Variants in UROC1 observed in about 807,000 individuals in gnomAD.
UROC1 encodes urocanate hydratase 1.
Under a neutral mutation model 89.5 loss-of-function variants are expected in UROC1, and 79 were observed. That is an observed-to-expected ratio of 0.88 (90% CI 0.74 to 1.06). UROC1 has a LOEUF of 1.06. Ranked by LOEUF, UROC1 falls within the 50% of genes least tolerant of loss-of-function variation. The pLI, the probability that UROC1 is intolerant of heterozygous loss-of-function variation, is 0.00. For missense variants in UROC1, 885 were observed against 907.8 expected (o/e 0.97, Z 0.32); for synonymous variants, 361 against 354.8 (o/e 1.02, Z -0.20).
intron 7 of UROC1, 48 bp downstream of exon 7, chr3:126,505,897 A>AC (rs758837610): frequency 7.5e-7 from 1 of 1,339,002 alleles, no homozygotes; most frequent in Non-Finnish European, 1.0e-6. Context: ...CGCCCCCTCC[A>AC]CCCCCCATGC....
intron 1 of UROC1, among the ~76,000 whole-genome samples, chr3:126,512,850 C>T (rs1036999663): frequency 6.6e-5 from 10 of 152,202 alleles, no homozygotes; most frequent in African/African-American, 2.2e-4. Flanking sequence ...AAAGAGCAAG[C>T]ATGATTCAAC....
chr3:126,499,402 A>C lies in UROC1; in HGVS notation c.1251T>G (p.Asp417Glu). ...TCCTGCCAGCACCTTTCTTCTCCACATCCGCTCCTGTGGGCAGAGCCCGGA... is the reference window on the plus strand; with the variant it reads ...TCCTGCCAGCACCTTTCTTCTCCACCTCCGCTCCTGTGGGCAGAGCCCGGA... ...FLLEAQRAGA[D>E]VEKKGAGRTE... is the part of the protein sequence containing the mutation. The change falls in exon 13 of 20, where the codon GAT becomes GAG. Residue 417 changes from aspartate (D) to glutamate (E), a missense_variant. By Grantham distance (45) the Asp-to-Glu change is conservative. Coordinates refer to ENST00000290868, the MANE Select transcript of UROC1 (RefSeq NM_144639.3). 1 of 1,612,394 alleles carries C rather than the reference A, an allele frequency of 6.2e-7. No individual in the cohort carries two copies. Among genetic ancestry groups the C allele is most frequent in the Non-Finnish European group, 8.5e-7 (1 of 1,179,534 alleles).
rs768191810 is a variant in UROC1, at chr3:126,500,869, C to T, written c.971G>A (p.Arg324His). ...CGTCGTGTCCAATTCGTGGACCAGGCGCTCCCTGGGGAAGCCATGCGGTGG... is the reference window on the plus strand; with the variant it reads ...CGTCGTGTCCAATTCGTGGACCAGGTGCTCCCTGGGGAAGCCATGCGGTGG... ...YHGNVVALWE[R>H]LVHELDTTGE... The change falls in exon 11 of 20, where the codon CGC becomes CAC. Residue 324 changes from arginine (R) to histidine (H), a missense_variant. Physicochemically the swap from Arg to His is conservative, Grantham distance 29. Coordinates refer to ENST00000290868, the MANE Select transcript of UROC1 (RefSeq NM_144639.3). 7.4e-6 allele frequency: 12 copies of T among 1,613,516 alleles called. No homozygotes were observed. Among genetic ancestry groups the T allele is most frequent in the South Asian group, 5.5e-5 (5 of 91,082 alleles).
rs201597075 is a variant in UROC1 at position 126,505,935 on chromosome 3, C to T, written c.669+10G>A. On this transcript the variant is annotated intron_variant, in intron 7 of 19. Transcript: ENST00000290868. Reference sequence around the variant, plus strand: ...GGAAGCCCACAGCCAGGCGTGGCCCCATCTCTCACCACAGTGCCATGAACG... The same window carrying T: ...GGAAGCCCACAGCCAGGCGTGGCCCTATCTCTCACCACAGTGCCATGAACG... 1.9e-6 allele frequency: 3 copies of T among 1,613,224 alleles called. No individual in the cohort carries two copies. The highest frequency in any genetic ancestry group is 4.5e-5 in the East Asian group (2 of 44,856).
chr3:126,509,452 C>T, intron 3 of UROC1, 133 bp downstream of exon 3: 1 of 851,918 alleles, frequency 1.2e-6, no homozygotes, highest in South Asian at 1.5e-5. Context: ...GGGCCAGGGA[C>T]CTCTCTTACT....
At chr3:126,513,101 G>A (rs1255616065) in intron 1 of UROC1, among the ~76,000 whole-genome samples, 1 of 152,108 alleles carries the variant, frequency 6.6e-6, no homozygotes, top group Non-Finnish European at 1.5e-5. Flanking sequence ...ATGAAGGGAT[G>A]CCAGCCTGCA....
intron 19 of UROC1, 97 bp downstream of exon 19, chr3:126,483,272 C>T: frequency 2.6e-6 from 3 of 1,167,434 alleles, no homozygotes; most frequent in Non-Finnish European, 3.8e-6. Context: ...GCCCCCATCC[C>T]CACACCCAGG....
chr3:126,492,644 G>T (rs992902208), intron 15 of UROC1, 128 bp from the exon 16 acceptor site: 1 of 636,352 alleles, frequency 1.6e-6, no homozygotes, highest in African/African-American at 1.9e-5. Flanking sequence ...CGCCTAACAA[G>T]GTCCAGGAGG....
chr3:126,500,564 G>A (rs1935893912), intron 11 of UROC1, 131 bp downstream of exon 11: 2 of 1,097,790 alleles, frequency 1.8e-6, no homozygotes, highest in East Asian at 2.4e-5. Flanking sequence ...GGTGGAGGCA[G>A]AGGCTCAGAG....
At chr3:126,487,850 G>A (rs770648389) in intron 18 of UROC1, among the ~76,000 whole-genome samples, 16 of 152,340 alleles carry the variant, frequency 1.1e-4, no homozygotes, top group African/African-American at 2.9e-4. Context: ...CCATGAAAGC[G>A]CCGGGAATTC....
chr3:126,513,135 G>GGGGTGT (rs145600640), intron 1 of UROC1, among the ~76,000 whole-genome samples: 8 of 147,798 alleles, frequency 5.4e-5, no homozygotes, highest in Non-Finnish European at 9.0e-5. Flanking sequence ...CACAGAGCAG[G>GGGGTGT]GTGTGTGTGT....
Position 126,504,000 on chromosome 3 carries a change from C to T in UROC1, c.897G>A (p.Arg299=). The change falls in exon 9 of 20, where the codon AGG becomes AGA. Residue 299 remains arginine, a synonymous_variant. Coordinates refer to ENST00000290868, the MANE Select transcript of UROC1 (RefSeq NM_144639.3). The part of the protein sequence containing the change: ...VTDSLDRCIQ[R]LREARKKKEV... ...AGTTGAGCTTGGAGCTGTACCTGAGCCTCTGGATGCAGCGGTCCAAGCTGT... is the reference window on the plus strand; with the variant it reads ...AGTTGAGCTTGGAGCTGTACCTGAGTCTCTGGATGCAGCGGTCCAAGCTGT... The T allele has an allele frequency of 6.2e-7, 1 of 1,614,088 alleles. No individual in the cohort carries two copies. The highest frequency in any genetic ancestry group is 8.5e-7 in the Non-Finnish European group (1 of 1,180,024).
chr3:126,510,768 G>T lies in UROC1; in HGVS notation c.153C>A (p.Tyr51Ter), dbSNP rs1936177796. ...KQLALRNALRYFPPDVQELLA... is the reference protein window; with the variant it reads ...KQLALRNALR ...GCAGCTCCTGGACATCCGGGGGGAA[G>T]TAGCGCAGGGCGTTCCTCAGCGCCA... The change falls in exon 2 of 20, where the codon TAC becomes TAA. Residue 51 changes from tyrosine (Y) to a stop codon, truncating the protein, a stop_gained. Coordinates refer to ENST00000290868, the MANE Select transcript of UROC1 (RefSeq NM_144639.3). LOFTEE classifies it high-confidence loss of function. 1 of 1,613,858 alleles carries T rather than the reference G, an allele frequency of 6.2e-7. No homozygotes were observed.
chr3:126,505,586 G>T (rs1936034642), intron 8 of UROC1, 115 bp downstream of exon 8: 3 of 1,500,978 alleles, frequency 2.0e-6, no homozygotes, highest in Non-Finnish European at 2.7e-6. Flanking sequence ...GGTGGCCTGG[G>T]CAAGGAAGGA....
At chr3:126,487,984 C>G (rs969288544) in intron 18 of UROC1, among the ~76,000 whole-genome samples, 5 of 152,190 alleles carry the variant, frequency 3.3e-5, no homozygotes, top group African/African-American at 1.2e-4. Context: ...CAGGGGAGAC[C>G]CAGAGAGGTG....
intron 18 of UROC1, among the ~76,000 whole-genome samples, chr3:126,487,996 G>C (rs1201309495): frequency 6.6e-6 from 1 of 152,180 alleles, no homozygotes; most frequent in East Asian, 1.9e-4. Context: ...AGAGAGGTGG[G>C]GTGGCTAATG....
intron 11 of UROC1, 113 bp downstream of exon 11, chr3:126,500,582 G>T: frequency 7.6e-7 from 1 of 1,311,334 alleles, no homozygotes; most frequent in East Asian, 2.3e-5. Context: ...GAGAGGTTAA[G>T]GTCTTGCCCA....
chr3:126,497,494 G>GAC (rs1385662202), intron 14 of UROC1, among the ~76,000 whole-genome samples: 2 of 152,202 alleles, frequency 1.3e-5, no homozygotes, highest in Non-Finnish European at 2.9e-5. Flanking sequence ...ATGCAGAGGA[G>GAC]ACCCTTGTGG....
rs1263627920 is a variant in UROC1 at position 126,506,029 on chromosome 3, A to C, written c.603-18T>G. 5 of 1,613,296 alleles carry C rather than the reference A, an allele frequency of 3.1e-6. No individual in the cohort carries two copies. Among genetic ancestry groups the C allele is most frequent in the Non-Finnish European group, 4.2e-6 (5 of 1,180,018 alleles). ...GGCCGTACCTGACCACAGGGAGAGA[A>C]GCCAAGCCCAGGGCTCAGCCAGTGC... On this transcript the variant is annotated intron_variant, in intron 6 of 19. Transcript: ENST00000290868.
Sources: allele counts gnomAD v4.1 joint callset (sites outside exome capture counted in the v4.1 genomes callset), GRCh38; gene constraint gnomAD v4.1.1; transcripts MANE v1.5; gene names NCBI Gene and HGNC (gene_info 2026-07-23, HGNC 2026-07-21).